RYR3: variants seen among roughly 807,000 people sequenced by gnomAD.
RYR3 encodes brain ryanodine receptor-calcium release channel.
Under a neutral mutation model 584.3 loss-of-function variants are expected in RYR3, and 207 were observed. The ratio of observed to expected loss-of-function variants is 0.35; its 90% confidence interval spans 0.32 to 0.40. The LOEUF (loss-of-function observed/expected upper bound fraction) is 0.40. RYR3 is among the 10% of genes least tolerant of loss of function. RYR3 has a pLI of 1.00. For synonymous variants in RYR3, 2,416 were observed against 2,248.5 expected, an observed-to-expected ratio of 1.07 and a Z score of -2.11; for missense variants, 5,616 against 6,089.2, an observed-to-expected ratio of 0.92 and a Z score of 2.59.
chr15:33,712,116 A>C (rs1567003307), intron 43 of RYR3, among the ~76,000 whole-genome samples: 1 of 152,172 alleles, frequency 6.6e-6, no homozygotes, highest in Non-Finnish European at 1.5e-5. Context: ...GAATAGGCAC[A>C]TCATAGGGTG....
intron 1 of RYR3, among the ~76,000 whole-genome samples, chr15:33,421,859 C>T (rs940652884): frequency 5.3e-5 from 8 of 152,088 alleles, no homozygotes; most frequent in Non-Finnish European, 8.8e-5. Context: ...CAAAGAAAAA[C>T]GGATGAATTT....
chr15:33,619,538 C>A (rs1461818892), intron 19 of RYR3, among the ~76,000 whole-genome samples: 1 of 152,162 alleles, frequency 6.6e-6, no homozygotes. Flanking sequence ...ATTGCTTCTT[C>A]TTCTACCCCT....
Position 33,865,518 on chromosome 15 carries a change from G to C in RYR3, c.*292G>C, listed in dbSNP as rs1312786170. On this transcript the variant is annotated 3_prime_UTR_variant, in exon 104 of 104. Transcript: ENST00000634891. ...AGTTCTGAGGTAACTAGTTCAGTTT[G>C]TTGGGATGGAAGCATGAAGGAAAGG... 1 of 337,700 alleles carries C rather than the reference G, an allele frequency of 3.0e-6. No individual in the cohort carries two copies. Among genetic ancestry groups the C allele is most frequent in the South Asian group, 5.1e-5 (1 of 19,582 alleles). The allele number at this position is 337,700 out of a possible 1,614,324, so 20.9% of individuals were successfully genotyped here.
intron 1 of RYR3, among the ~76,000 whole-genome samples, chr15:33,331,502 C>T (rs1970375981): frequency 6.6e-6 from 1 of 152,056 alleles, no homozygotes; most frequent in African/African-American, 2.4e-5. Flanking sequence ...GTTTTTCTTG[C>T]TTCACTTGGT....
At chr15:33,725,438 A>G (rs1437818206) in intron 45 of RYR3, among the ~76,000 whole-genome samples, 2 of 152,080 alleles carry the variant, frequency 1.3e-5, no homozygotes, top group Non-Finnish European at 2.9e-5. Context: ...CTGAACGCCT[A>G]CTACACCCCG....
At chr15:33,672,398 C>T (rs577636261) in intron 38 of RYR3, among the ~76,000 whole-genome samples, 1 of 152,320 alleles carries the variant, frequency 6.6e-6, no homozygotes, top group African/African-American at 2.4e-5. Context: ...GTGTCTTCAC[C>T]TCATGCTTCT....
At chr15:33,670,126 A>G (rs1010571540) in intron 37 of RYR3, among the ~76,000 whole-genome samples, 1 of 152,180 alleles carries the variant, frequency 6.6e-6, no homozygotes, top group African/African-American at 2.4e-5. Flanking sequence ...TTTCAACACT[A>G]TAAGAGTGTA....
intron 64 of RYR3, among the ~76,000 whole-genome samples, chr15:33,778,008 A>C (rs1174585296): frequency 1.3e-5 from 2 of 152,034 alleles, no homozygotes; most frequent in East Asian, 3.9e-4. Context: ...CGTCTCTACC[A>C]AAAATACAAA....
intron 1 of RYR3, among the ~76,000 whole-genome samples, chr15:33,347,047 T>G (rs1972546398): frequency 6.6e-6 from 1 of 152,184 alleles, no homozygotes; most frequent in Admixed American, 6.6e-5. Context: ...ATCACAGATG[T>G]AAAATGCCAT....
At chr15:33,360,311 G>T (rs539256869) in intron 1 of RYR3, among the ~76,000 whole-genome samples, 7 of 151,782 alleles carry the variant, frequency 4.6e-5, no homozygotes, top group African/African-American at 7.3e-5. Context: ...TCACTGACCT[G>T]CTTTCTATCA....
At chr15:33,468,856 A>G (rs1020168183) in intron 1 of RYR3, among the ~76,000 whole-genome samples, 1 of 152,212 alleles carries the variant, frequency 6.6e-6, no homozygotes, top group East Asian at 1.9e-4. Flanking sequence ...AAGTGCATCA[A>G]TATAGGCTGC....
chr15:33,339,198 G>A (rs866678008), intron 1 of RYR3, among the ~76,000 whole-genome samples: 1 of 152,252 alleles, frequency 6.6e-6, no homozygotes, highest in Non-Finnish European at 1.5e-5. Context: ...GTGCTGGGCC[G>A]TGGGACTGGA....
chr15:33,336,513 G>A (rs1428628099), intron 1 of RYR3, among the ~76,000 whole-genome samples: 2 of 68,208 alleles, frequency 2.9e-5, no homozygotes, highest in African/African-American at 8.4e-5. Context: ...AAGGAGGGAA[G>A]GAGGGAAGGA....
Position 33,669,403 on chromosome 15 carries a change from A to G in RYR3, c.5669A>G (p.Glu1890Gly). The G allele has an allele frequency of 6.2e-7, 1 of 1,613,986 alleles. No homozygotes were observed. Among genetic ancestry groups the G allele is most frequent in the Non-Finnish European group, 8.5e-7 (1 of 1,179,890 alleles). Residue 1890 changes from glutamate (E) to glycine (G), a missense_variant, in exon 37 of 104, where the codon GAG becomes GGG. By Grantham distance (98) the Glu-to-Gly change is moderately conservative. Coordinates refer to ENST00000634891, the MANE Select transcript of RYR3 (RefSeq NM_001036.6). Reference sequence around the variant, plus strand: ...CTGGGAGAGAACTGCCCCTGCCCAGAGGAGATTCGGGAGGAGCTGTATGAT... The same window carrying G: ...CTGGGAGAGAACTGCCCCTGCCCAGGGGAGATTCGGGAGGAGCTGTATGAT... Reference protein sequence around the residue: ...FQLGENCPCPEEIREELYDFH... With the variant: ...FQLGENCPCPGEIREELYDFH...
chr15:33,756,425 T>G, intron 59 of RYR3, 52 bp downstream of exon 59: 2 of 1,313,136 alleles, frequency 1.5e-6, no homozygotes, highest in Admixed American at 4.0e-5. Flanking sequence ...ATCTCTACTA[T>G]TTAGGAAACA....
chr15:33,485,255 G>T (rs1460678439), intron 2 of RYR3, among the ~76,000 whole-genome samples: 1 of 152,148 alleles, frequency 6.6e-6, no homozygotes, highest in Non-Finnish European at 1.5e-5. Flanking sequence ...ATGTGGTGAG[G>T]ACAGAAGCCA....
chr15:33,694,632 C>A (rs1464051121), intron 38 of RYR3, among the ~76,000 whole-genome samples: 5 of 152,120 alleles, frequency 3.3e-5, no homozygotes, highest in African/African-American at 7.2e-5. Flanking sequence ...GATGCAGGAA[C>A]TTTTATATTT....
At chr15:33,802,317 G>T (rs1272014610) in intron 69 of RYR3, among the ~76,000 whole-genome samples, 1 of 152,170 alleles carries the variant, frequency 6.6e-6, no homozygotes, top group Non-Finnish European at 1.5e-5. Flanking sequence ...ACCACCTTTT[G>T]ATAGCTAGGA....
intron 10 of RYR3, among the ~76,000 whole-genome samples, chr15:33,559,048 C>T (rs181579107): frequency 9.2e-5 from 14 of 152,232 alleles, no homozygotes; most frequent in East Asian, 7.7e-4. Flanking sequence ...TGTCTGGTAC[C>T]GGCCCTGGGG....
Sources: allele counts gnomAD v4.1 joint callset (sites outside exome capture counted in the v4.1 genomes callset), GRCh38; gene constraint gnomAD v4.1.1; transcripts MANE v1.5; gene names NCBI Gene and HGNC (gene_info 2026-07-23, HGNC 2026-07-21).